Variants in SUGCT observed in about 807,000 individuals in gnomAD.
SUGCT encodes succinyl-CoA:glutarate CoA-transferase.
SUGCT carries 41 observed loss-of-function variants against 55.0 expected under a neutral mutation model. The observed-to-expected ratio is 0.74, with a 90% CI of 0.58 to 0.97. The LOEUF is 0.97. Among genes scored for constraint, SUGCT ranks in the 50% least tolerant of loss-of-function variants. SUGCT has a pLI of 0.00. For missense variants in SUGCT, 568 were observed against 547.8 expected (o/e 1.04, Z -0.37); for synonymous variants, 187 against 200.4 (o/e 0.93, Z 0.56).
chr7:40,599,379 T>C (rs867784156), intron 12 of SUGCT, among the ~76,000 whole-genome samples: 1 of 152,194 alleles, frequency 6.6e-6, no homozygotes, highest in African/African-American at 2.4e-5. Context: ...ATGATAGCCA[T>C]GCTTTTTACA....
At chr7:40,962,426 G>A in the SUGCT span, among the ~76,000 whole-genome samples, 2 of 152,080 alleles carry the variant, frequency 1.3e-5, no homozygotes, top group Non-Finnish European at 2.9e-5. Flanking sequence ...CAGAAAGAAG[G>A]TAGTGTGCTT....
chr7:40,730,088 C>T (rs1786816714), intron 12 of SUGCT, among the ~76,000 whole-genome samples: 2 of 152,090 alleles, frequency 1.3e-5, no homozygotes, highest in African/African-American at 4.8e-5. Flanking sequence ...GATTTGAACA[C>T]AGGAGAGTCC....
chr7:40,503,715 T>C (rs1428015979), intron 12 of SUGCT, among the ~76,000 whole-genome samples: 2 of 152,146 alleles, frequency 1.3e-5, no homozygotes, highest in African/African-American at 4.8e-5. Flanking sequence ...AAAGTATTCA[T>C]GAAAATCAGT....
At chr7:40,387,460 A>G (rs76597511) in intron 9 of SUGCT, among the ~76,000 whole-genome samples, 2,431 of 152,272 alleles carry the variant, frequency 0.016, 58 homozygotes, top group African/African-American at 0.056. Context: ...AACACAGGAA[A>G]CTACCTGAGT....
intron 11 of SUGCT, among the ~76,000 whole-genome samples, chr7:40,461,819 A>C (rs1583741195): frequency 6.6e-6 from 1 of 152,334 alleles, no homozygotes. Context: ...GTGGCTGCCA[A>C]GTACATGCCA....
intron 6 of SUGCT, chr7:40,217,325 C>G: frequency 2.8e-6 from 1 of 354,366 alleles, no homozygotes. Flanking sequence ...ATCCTCCCAC[C>G]TCAGCTTCCC....
intron 9 of SUGCT, among the ~76,000 whole-genome samples, chr7:40,347,546 A>G (rs1172152117): frequency 6.6e-6 from 1 of 152,218 alleles, no homozygotes; most frequent in Non-Finnish European, 1.5e-5. Context: ...AATTGAAGAA[A>G]AATTGTTAAG....
chr7:40,339,434 C>A (rs1348549967), intron 9 of SUGCT, among the ~76,000 whole-genome samples: 2 of 152,158 alleles, frequency 1.3e-5, no homozygotes, highest in African/African-American at 4.8e-5. Flanking sequence ...CCTACTCAAG[C>A]CTCAGCAATG....
At chr7:40,505,768 G>T (rs1282022860) in intron 12 of SUGCT, among the ~76,000 whole-genome samples, 1 of 151,854 alleles carries the variant, frequency 6.6e-6, no homozygotes, top group East Asian at 1.9e-4. Flanking sequence ...ATGGAAGCTG[G>T]TGAAAGAAAT....
At chr7:40,526,929 A>G (rs1340674181) in intron 12 of SUGCT, among the ~76,000 whole-genome samples, 1 of 152,176 alleles carries the variant, frequency 6.6e-6, no homozygotes, top group Admixed American at 6.5e-5. Context: ...GTTCGGGTCT[A>G]TCTTGCTATT....
At chr7:40,338,679 T>C (rs1796861701) in intron 9 of SUGCT, among the ~76,000 whole-genome samples, 1 of 152,182 alleles carries the variant, frequency 6.6e-6, no homozygotes, top group Admixed American at 6.5e-5. Flanking sequence ...TTATCTTCTT[T>C]GCGATGGGTT....
In SUGCT at chr7:40,313,772, T is replaced by C. The variant is rs1249567114; in HGVS notation, c.721-2988T>C. ...GTTTTTTTTTTTTGTTTTGTATTTT[T>C]AGTAGAGACAAGGTTTGCTATGTTG... On this transcript the variant is annotated intron_variant, in intron 8 of 13. Transcript: ENST00000335693. Among the ~76,000 whole-genome samples the C allele has an allele frequency of 3.3e-5, 5 of 152,072 alleles. No individual in the cohort carries two copies. The East Asian group carries it at 5.8e-4, about 18-fold the overall frequency.
At chr7:40,662,761 G>A (rs909018928) in intron 12 of SUGCT, among the ~76,000 whole-genome samples, 4 of 152,042 alleles carry the variant, frequency 2.6e-5, no homozygotes, top group African/African-American at 4.8e-5. Context: ...CTTTCTAGCC[G>A]TACTGGGACC....
intron 9 of SUGCT, among the ~76,000 whole-genome samples, chr7:40,346,057 T>C (rs1464675374): frequency 1.3e-5 from 2 of 152,050 alleles, no homozygotes; most frequent in Non-Finnish European, 2.9e-5. Flanking sequence ...GTTAGTTTAG[T>C]TTTATAAAAT....
intron 8 of SUGCT, among the ~76,000 whole-genome samples, chr7:40,282,202 T>TC (rs1387814389): frequency 6.6e-6 from 1 of 151,818 alleles, no homozygotes; most frequent in Non-Finnish European, 1.5e-5. Flanking sequence ...GTGCAGTGGC[T>TC]CATGCATGTA....
intron 9 of SUGCT, among the ~76,000 whole-genome samples, chr7:40,328,136 C>T (rs1796109081): frequency 6.6e-6 from 1 of 152,110 alleles, no homozygotes; most frequent in Admixed American, 6.6e-5. Context: ...ACATAATTTC[C>T]CCTTTAGGAC....
chr7:40,211,551 G>A (rs552908755), intron 6 of SUGCT, among the ~76,000 whole-genome samples: 1 of 152,286 alleles, frequency 6.6e-6, no homozygotes, highest in East Asian at 1.9e-4. Context: ...GAGGCATGGA[G>A]ATTATTGAAT....
chr7:40,830,542 C>T (rs1792606854), intron 13 of SUGCT, among the ~76,000 whole-genome samples: 1 of 152,204 alleles, frequency 6.6e-6, no homozygotes. Context: ...TCCCACTCCT[C>T]ACTGAGGTCT....
the SUGCT span, among the ~76,000 whole-genome samples, chr7:40,910,200 G>GT: frequency 3.3e-5 from 5 of 151,826 alleles, no homozygotes; most frequent in Non-Finnish European, 5.9e-5. Flanking sequence ...TAGAGGAAGA[G>GT]TTGGAGACAG....
Sources: allele counts gnomAD v4.1 joint callset (sites outside exome capture counted in the v4.1 genomes callset), GRCh38; gene constraint gnomAD v4.1.1; transcripts MANE v1.5; gene names NCBI Gene and HGNC (gene_info 2026-07-23, HGNC 2026-07-21).